The following PDE7B variants were observed in gnomAD, a reference collection of about 807,000 sequenced individuals.
PDE7B encodes the protein phosphodiesterase 7B, also known as 3',5'-cyclic-AMP phosphodiesterase 7B.
A neutral mutation model predicts 56.2 loss-of-function variants in PDE7B; 29 were observed. The observed-to-expected ratio is 0.52, with a 90% confidence interval of 0.38 to 0.70. The LOEUF is 0.70. PDE7B is among the 30% of genes least tolerant of loss of function. The probability of loss-of-function intolerance (pLI) is 0.00; values close to 1 mark genes in which losing one functional copy is unlikely to be tolerated. For missense variants in PDE7B, 490 were observed against 565.0 expected, an observed-to-expected ratio of 0.87 and a Z score of 1.35; for synonymous variants, 197 against 196.9, an observed-to-expected ratio of 1.00 and a Z score of 0.00.
chr6:136,036,360 C>A (rs1203193637), intron 2 of PDE7B, among the ~76,000 whole-genome samples: 1 of 152,180 alleles, frequency 6.6e-6, no homozygotes, highest in African/African-American at 2.4e-5. Flanking sequence ...ATTTTCATAA[C>A]AAAATTCACC....
intron 2 of PDE7B, among the ~76,000 whole-genome samples, chr6:135,984,373 A>C (rs888934822): frequency 1.3e-5 from 2 of 152,180 alleles, no homozygotes; most frequent in Non-Finnish European, 2.9e-5. Flanking sequence ...GCTAACCTAG[A>C]ATTTGCCAGC....
chr6:136,134,653 G>A (rs1267458005), intron 3 of PDE7B, among the ~76,000 whole-genome samples: 1 of 137,112 alleles, frequency 7.3e-6, no homozygotes, highest in Non-Finnish European at 1.5e-5. Context: ...CTTACAAAAA[G>A]GAAACAATAG....
At chr6:135,906,810 GTTTT>G (rs869049424) in intron 1 of PDE7B, among the ~76,000 whole-genome samples, 628 of 59,526 alleles carry the variant, frequency 0.011, 8 homozygotes, top group African/African-American at 0.041. Flanking sequence ...AATGAGGTTT[GTTTT>G]TTTTTTTTTT....
intron 3 of PDE7B, among the ~76,000 whole-genome samples, chr6:136,117,747 C>G (rs1427188948): frequency 6.6e-6 from 1 of 152,158 alleles, no homozygotes; most frequent in Non-Finnish European, 1.5e-5. Context: ...TAGGCAAGGT[C>G]CCCAGGCTAT....
chr6:136,149,020 TC>T, intron 4 of PDE7B, 66 bp from the exon 5 acceptor site: 1 of 1,113,654 alleles, frequency 9.0e-7, no homozygotes, highest in East Asian at 2.4e-5. Flanking sequence ...ATCCACTATA[TC>T]CCAAAGTAAA....
intron 1 of PDE7B, among the ~76,000 whole-genome samples, chr6:135,881,572 T>A (rs1775612160): frequency 6.6e-6 from 1 of 152,120 alleles, no homozygotes; most frequent in Non-Finnish European, 1.5e-5. Flanking sequence ...CCGCAATATA[T>A]TTTTTAATAA....
intron 2 of PDE7B, among the ~76,000 whole-genome samples, chr6:135,970,942 G>A (rs1775084224): frequency 6.6e-6 from 1 of 152,104 alleles, no homozygotes; most frequent in Non-Finnish European, 1.5e-5. Flanking sequence ...ACTGAATAAT[G>A]GTGATGTCAT....
intron 1 of PDE7B, among the ~76,000 whole-genome samples, chr6:135,946,068 T>C (rs566220919): frequency 6.6e-6 from 1 of 152,194 alleles, no homozygotes; most frequent in East Asian, 1.9e-4. Context: ...TCATTGCATG[T>C]TTTTTGCTTT....
intron 2 of PDE7B, among the ~76,000 whole-genome samples, chr6:135,992,829 G>A (rs920296815): frequency 6.6e-5 from 10 of 152,212 alleles, no homozygotes; most frequent in African/African-American, 2.2e-4. Flanking sequence ...AGTGGGAATA[G>A]TAATTTCTAT....
intron 2 of PDE7B, among the ~76,000 whole-genome samples, chr6:135,992,624 T>G (rs1376706201): frequency 6.6e-6 from 1 of 152,196 alleles, no homozygotes; most frequent in East Asian, 1.9e-4. Flanking sequence ...CCTTTTTACT[T>G]AATTGTTCCC....
intron 12 of PDE7B, among the ~76,000 whole-genome samples, chr6:136,190,978 CCTTCT>C (rs1371395469): frequency 1.4e-5 from 2 of 147,232 alleles, no homozygotes; most frequent in Non-Finnish European, 2.9e-5. Context: ...CCTCTCCATC[CCTTCT>C]CCGCCTGCCT....
chr6:136,064,241 C>G (rs769626661), intron 2 of PDE7B: 3 of 152,140 alleles, frequency 2.0e-5, no homozygotes, highest in Non-Finnish European at 2.9e-5. Context: ...ACAGGCCAAA[C>G]AAATGCTTTG....
intron 2 of PDE7B, among the ~76,000 whole-genome samples, chr6:135,948,210 G>T (rs1023308718): frequency 4.6e-5 from 7 of 151,914 alleles, no homozygotes; most frequent in Admixed American, 4.6e-4. Context: ...TTTCTAAACA[G>T]TAAAATTTTA....
chr6:136,032,014 A>G (rs1776254482), intron 2 of PDE7B, among the ~76,000 whole-genome samples: 1 of 152,354 alleles, frequency 6.6e-6, no homozygotes, highest in African/African-American at 2.4e-5. Flanking sequence ...AAAAATTAAC[A>G]TATTTCAGAC....
At chr6:136,162,835 G>A (rs530680892) in intron 8 of PDE7B, among the ~76,000 whole-genome samples, 1 of 152,318 alleles carries the variant, frequency 6.6e-6, no homozygotes, top group Non-Finnish European at 1.5e-5. Flanking sequence ...AAATCCAATA[G>A]GGCAGTCATT....
chr6:136,048,414 G>A (rs183437516), intron 2 of PDE7B, among the ~76,000 whole-genome samples: 2 of 152,186 alleles, frequency 1.3e-5, no homozygotes, highest in African/African-American at 4.8e-5. Context: ...CCAGCTACTC[G>A]GGAGGCTGAG....
intron 3 of PDE7B, among the ~76,000 whole-genome samples, chr6:136,135,972 TTAAAG>T (rs1778206057): frequency 6.6e-6 from 1 of 152,158 alleles, no homozygotes; most frequent in Non-Finnish European, 1.5e-5. Context: ...TTTTAATTTC[TTAAAG>T]TAGTCTATAT....
intron 2 of PDE7B, among the ~76,000 whole-genome samples, chr6:136,018,227 T>A (rs186428547): frequency 6.6e-6 from 1 of 152,282 alleles, no homozygotes; most frequent in African/African-American, 2.4e-5. Flanking sequence ...CAGTCCCAAG[T>A]AGCAGATCAC....
intron 2 of PDE7B, among the ~76,000 whole-genome samples, chr6:135,997,955 A>G (rs538932015): frequency 6.6e-6 from 1 of 152,292 alleles, no homozygotes; most frequent in South Asian, 2.1e-4. Context: ...ACAAACAAAC[A>G]TACACTAATG....
Sources: gnomAD v4.1 joint callset for allele counts (sites outside exome capture counted in the v4.1 genomes callset) on GRCh38, gnomAD v4.1.1 for gene constraint, MANE v1.5 for transcripts, NCBI Gene and HGNC (gene_info 2026-07-23, HGNC 2026-07-21) for gene names.